The following MARCHF2 variants were observed in gnomAD, a reference collection of about 807,000 sequenced individuals.
The protein encoded by MARCHF2 is E3 ubiquitin-protein ligase MARCHF2.
MARCHF2 carries 22 observed loss-of-function variants against 24.0 expected under a neutral mutation model. That is an observed-to-expected ratio of 0.92 (90% confidence interval 0.66 to 1.31). The LOEUF (loss-of-function observed/expected upper bound fraction) is 1.31. Among genes scored for constraint, MARCHF2 ranks in the 50% most tolerant of loss-of-function variants. The pLI is 0.00. For synonymous variants in MARCHF2, 154 were observed against 153.0 expected, an observed-to-expected ratio of 1.01 and a Z score of -0.05; for missense variants, 301 against 335.3, an observed-to-expected ratio of 0.90 and a Z score of 0.80.
At position 8,437,001 on chromosome 19, in the gene MARCHF2, T is replaced by C. The variant is rs1047314332; in HGVS notation, c.583-1387T>C. On this transcript the variant is annotated intron_variant, in intron 4 of 4. Transcript: ENST00000215555. The stretch of plus-strand genomic sequence containing the variant: ...CACTGCGCCCAGCATTTTTTTTTTT[T>C]TTTTTGAGACAGGATCTCACTCTGT... Among the ~76,000 whole-genome samples the C allele has an allele frequency of 6.8e-4, 103 of 151,668 alleles. 1 individual carries two copies. The highest frequency in any genetic ancestry group is 1.5e-4 in the Non-Finnish European group (10 of 67,892).
intron 2 of MARCHF2, among the ~76,000 whole-genome samples, chr19:8,425,542 G>A (rs1055572683): frequency 2.0e-5 from 3 of 151,924 alleles, no homozygotes; most frequent in African/African-American, 4.8e-5. Flanking sequence ...TACTGCTCCC[G>A]GCCTGGTGTT....
intron 4 of MARCHF2, among the ~76,000 whole-genome samples, chr19:8,437,525 GT>G (rs1967761520): frequency 6.7e-6 from 1 of 150,176 alleles, no homozygotes; most frequent in South Asian, 2.1e-4. Flanking sequence ...CTAATTTTTT[GT>G]ATTTTCAGTA....
intron 4 of MARCHF2, among the ~76,000 whole-genome samples, chr19:8,431,694 T>A (rs1967591124): frequency 7.0e-6 from 1 of 142,100 alleles, no homozygotes; most frequent in African/African-American, 2.6e-5. Flanking sequence ...AAAATTTAGC[T>A]GTGCGTGGTG....
At position 8,429,478 on chromosome 19, in the gene MARCHF2, ACTTATT is replaced by A. The variant is rs770297290; in HGVS notation, c.373-1179_373-1174del. Among the ~76,000 whole-genome samples the A allele has an allele frequency of 5.1e-4, 55 of 107,026 alleles. 1 individual carries two copies. In the South Asian group the frequency reaches 0.014, roughly 27 times the overall value. The allele number at this position is 107,026 out of a possible 152,430, so 70.2% of individuals were successfully genotyped here. On this transcript the variant is annotated intron_variant, in intron 3 of 4. Transcript: ENST00000215555. ...ACAAAAAAATCAAAGAAATGAAAGA[ACTTATT>A]ATTATTATTATTATTATTATTATTA...
In MARCHF2 at chr19:8,435,886, GTTCT is replaced by G. The variant is rs985254645; in HGVS notation, c.583-2499_583-2496del. On this transcript the variant is annotated intron_variant, in intron 4 of 4. Coordinates refer to ENST00000215555, the MANE Select transcript of MARCHF2 (RefSeq NM_001005415.2). ...TGTGTGGCGGGGAGGGGATAGGATTGTTCTTTGTCACCCAGGCTGCAGTGCAGTG... is the reference window on the plus strand; with the variant it reads ...TGTGTGGCGGGGAGGGGATAGGATTGTTGTCACCCAGGCTGCAGTGCAGTG... Among the ~76,000 whole-genome samples, 35 of 148,448 alleles carry G rather than the reference GTTCT, an allele frequency of 2.4e-4. 1 individual carries two copies. Among genetic ancestry groups the G allele is most frequent in the Admixed American group, 2.2e-3 (33 of 14,720 alleles).
chr19:8,424,802 T>A (rs1967352674), intron 2 of MARCHF2, among the ~76,000 whole-genome samples: 1 of 152,170 alleles, frequency 6.6e-6, no homozygotes, highest in Admixed American at 6.6e-5. Context: ...GGCCGACAGT[T>A]CTGGAGTTTA....
Position 8,430,523 on chromosome 19 carries a change from A to G in MARCHF2, c.373-135A>G, listed in dbSNP as rs936167784. 1.5e-5 allele frequency: 10 copies of G among 668,804 alleles called. 1 individual carries two copies. Among genetic ancestry groups the G allele is most frequent in the African/African-American group, 9.1e-5 (5 of 55,002 alleles). 41.4% of individuals were successfully genotyped at this position (668,804 alleles called of 1,614,324 possible). Reference sequence around the variant, plus strand: ...GCACTCCATCCTGGGCAACAGAGTGAGAATCTGTCTCAAAAAAAAAAAAAA... The same window carrying G: ...GCACTCCATCCTGGGCAACAGAGTGGGAATCTGTCTCAAAAAAAAAAAAAA... On this transcript the variant is annotated intron_variant, in intron 3 of 4. Coordinates refer to ENST00000215555, the MANE Select transcript of MARCHF2 (RefSeq NM_001005415.2). This position sits in a 1 kb window ranked among gnomAD's most constrained non-coding sequence, Gnocchi z 4.4.
intron 1 of MARCHF2, among the ~76,000 whole-genome samples, chr19:8,421,228 T>C (rs1362951578): frequency 1.3e-5 from 2 of 151,650 alleles, no homozygotes; most frequent in Non-Finnish European, 2.9e-5. Context: ...GTTCAAGCGA[T>C]TGTCCCGCCT....
chr19:8,434,187 C>T (rs925831943), intron 4 of MARCHF2, among the ~76,000 whole-genome samples: 3 of 149,532 alleles, frequency 2.0e-5, no homozygotes, highest in South Asian at 2.1e-4. Context: ...TGGGCTCAAG[C>T]GATTCTCCTG....
intron 1 of MARCHF2, among the ~76,000 whole-genome samples, chr19:8,415,721 C>CAAAAAAA (rs1309501077): frequency 1.2e-3 from 21 of 17,834 alleles, no homozygotes; most frequent in Non-Finnish European, 1.9e-3. Context: ...AACTCCATCT[C>CAAAAAAA]AAAAAAAAAA....
Position 8,430,728 on chromosome 19 carries a change from T to G in MARCHF2, c.443T>G (p.Ile148Ser). ...TGCGACATGGTGTGTTTCCTGTTCA[T>G]CACACCGCTGGCCGCCATCTCAGGC... Reference protein sequence around the residue: ...LCCDMVCFLFITPLAAISGWL... With the variant: ...LCCDMVCFLFSTPLAAISGWL... Residue 148 changes from isoleucine (I) to serine (S), a missense_variant, in exon 4 of 5, where the codon ATC becomes AGC. Transcript: ENST00000215555. This position sits in a 1 kb window ranked among gnomAD's most constrained non-coding sequence, Gnocchi z 4.4. The G allele has an allele frequency of 1.9e-6, 3 of 1,611,494 alleles. No individual in the cohort carries two copies. The highest frequency in any genetic ancestry group is 2.5e-6 in the Non-Finnish European group (3 of 1,179,974).
chr19:8,424,289 T>G (rs543849225), intron 2 of MARCHF2, among the ~76,000 whole-genome samples: 12 of 152,256 alleles, frequency 7.9e-5, no homozygotes, highest in Admixed American at 7.9e-4. Context: ...AGGTGAGCAC[T>G]TCTCTCTGGA....
intron 4 of MARCHF2, among the ~76,000 whole-genome samples, chr19:8,431,497 C>CAAAAAAAAAAAAAAAAAAAAAAAAAA (rs60782968): frequency 1.7e-5 from 1 of 57,498 alleles, no homozygotes; most frequent in Non-Finnish European, 3.0e-5. Context: ...AACTCGATCT[C>CAAAAAAAAAAAAAAAAAAAAAAAAAA]AAAAAAAAAA....
At chr19:8,428,206 GC>G (rs1967464283) in intron 3 of MARCHF2, among the ~76,000 whole-genome samples, 1 of 151,952 alleles carries the variant, frequency 6.6e-6, no homozygotes, top group African/African-American at 2.4e-5. Flanking sequence ...CTTGCAGTGA[GC>G]TGAGATCAGG....
intron 1 of MARCHF2, among the ~76,000 whole-genome samples, chr19:8,419,539 G>A (rs551282264): frequency 3.4e-4 from 52 of 151,292 alleles, no homozygotes; most frequent in African/African-American, 1.0e-3. Flanking sequence ...ATAATTGGCC[G>A]GGCGCGGTGG....
chr19:8,421,376 T>C (rs1455192007), intron 1 of MARCHF2, among the ~76,000 whole-genome samples: 1 of 136,798 alleles, frequency 7.3e-6, no homozygotes, highest in East Asian at 1.9e-4. Flanking sequence ...CTTTTTTCTT[T>C]CTTTTCTTTT....
At chr19:8,419,620 T>C (rs550233548) in intron 1 of MARCHF2, among the ~76,000 whole-genome samples, 72 of 149,482 alleles carry the variant, frequency 4.8e-4, no homozygotes, top group African/African-American at 1.7e-3. Flanking sequence ...ATCGAGACCA[T>C]CCTAGCTAAC....
chr19:8,433,408 G>A (rs1279720047), intron 4 of MARCHF2, among the ~76,000 whole-genome samples: 1 of 151,874 alleles, frequency 6.6e-6, no homozygotes, highest in East Asian at 1.9e-4. Context: ...GCCAGGCACG[G>A]TGGCTCACGC....
At chr19:8,416,697 G>T (rs892100773) in intron 1 of MARCHF2, among the ~76,000 whole-genome samples, 3 of 151,946 alleles carry the variant, frequency 2.0e-5, no homozygotes, top group Non-Finnish European at 4.4e-5. Context: ...CTCCTGAGTA[G>T]CTGGGATTAC....
Sources: gnomAD v4.1 joint callset for allele counts (sites outside exome capture counted in the v4.1 genomes callset) on GRCh38, gnomAD v4.1.1 for gene constraint, Gnocchi (gnomAD v3.1) non-coding constraint, MANE v1.5 for transcripts, NCBI Gene and HGNC (gene_info 2026-07-23, HGNC 2026-07-21) for gene names.